The following CASR variants were observed in gnomAD, a reference collection of about 807,000 sequenced individuals.
CASR encodes the protein calcium sensing receptor.
Under a neutral mutation model 69.1 loss-of-function variants are expected in CASR, and 23 were observed. The observed-to-expected ratio is 0.33, with a 90% CI of 0.24 to 0.47. The LOEUF (loss-of-function observed/expected upper bound fraction) is 0.47. CASR is among the 20% of genes least tolerant of loss of function. The pLI is 1.00. For missense variants in CASR, 924 were observed against 1,356.1 expected (o/e 0.68, Z 5.00); for synonymous variants, 541 against 544.7 (o/e 0.99, Z 0.10).
rs113113891 is a variant in CASR at position 122,237,561 on chromosome 3, C to T, written c.-242-16387C>T. On this transcript the variant is annotated intron_variant, in intron 1 of 6. Coordinates refer to ENST00000639785, the MANE Select transcript of CASR (RefSeq NM_000388.4). ...ATATTCACGCAGTGGAATATTATAC[C>T]GCAGTTAAAATCATGGATTATAGTA... Among the ~76,000 whole-genome samples the T allele has an allele frequency of 7.8e-3, 1,183 of 152,168 alleles. 20 individuals carry two copies. The highest frequency in any genetic ancestry group is 0.023 in the African/African-American group (975 of 41,496).
intron 1 of CASR, among the ~76,000 whole-genome samples, chr3:122,207,666 A>G (rs1274186651): frequency 1.3e-5 from 2 of 152,210 alleles, no homozygotes; most frequent in Non-Finnish European, 2.9e-5. Flanking sequence ...GGGATACAAC[A>G]AAAGCAGTAC....
chr3:122,255,560 C>A (rs2074546111), intron 2 of CASR, among the ~76,000 whole-genome samples: 1 of 152,190 alleles, frequency 6.6e-6, no homozygotes, highest in Admixed American at 6.5e-5. Flanking sequence ...TACCCTGCTG[C>A]ACAGAGCTGT....
intron 1 of CASR, among the ~76,000 whole-genome samples, chr3:122,204,494 A>G (rs565913344): frequency 6.6e-6 from 1 of 152,250 alleles, no homozygotes; most frequent in East Asian, 1.9e-4. Flanking sequence ...TGGGCACTTC[A>G]GGTTGATTCC....
chr3:122,230,683 C>T (rs1000617448), intron 1 of CASR, among the ~76,000 whole-genome samples: 3 of 152,158 alleles, frequency 2.0e-5, no homozygotes, highest in African/African-American at 7.2e-5. Context: ...CACTGAGGTT[C>T]CACCTGCATA....
chr3:122,234,121 G>A (rs1232056975), intron 1 of CASR, among the ~76,000 whole-genome samples: 1 of 152,232 alleles, frequency 6.6e-6, no homozygotes. Flanking sequence ...TCATGGAAAT[G>A]TCCAGTTCAT....
chr3:122,225,832 A>G (rs1298252908), intron 1 of CASR, among the ~76,000 whole-genome samples: 1 of 152,226 alleles, frequency 6.6e-6, no homozygotes, highest in African/African-American at 2.4e-5. Flanking sequence ...CAAGATGCCC[A>G]TCAGTGGTGG....
At chr3:122,209,046 A>G (rs1559938496) in intron 1 of CASR, among the ~76,000 whole-genome samples, 1 of 152,026 alleles carries the variant, frequency 6.6e-6, no homozygotes, top group Non-Finnish European at 1.5e-5. Flanking sequence ...GCCAAAAACC[A>G]CCTCCTAATG....
intron 1 of CASR, among the ~76,000 whole-genome samples, chr3:122,219,385 G>A (rs2074149283): frequency 6.6e-6 from 1 of 152,162 alleles, no homozygotes; most frequent in Non-Finnish European, 1.5e-5. Context: ...GCATGATTCC[G>A]TTGCATAAGT....
chr3:122,210,054 C>G (rs973706882), intron 1 of CASR, among the ~76,000 whole-genome samples: 20 of 152,156 alleles, frequency 1.3e-4, no homozygotes, highest in Non-Finnish European at 4.4e-5. Flanking sequence ...ATGTTAAAAA[C>G]TCTCGATAAA....
chr3:122,242,018 A>G (rs904238484), intron 1 of CASR, among the ~76,000 whole-genome samples: 1 of 152,130 alleles, frequency 6.6e-6, no homozygotes, highest in African/African-American at 2.4e-5. Flanking sequence ...CTGGGCATAC[A>G]TGGACGTAAT....
intron 1 of CASR, among the ~76,000 whole-genome samples, chr3:122,200,866 A>G (rs2073941546): frequency 6.6e-6 from 1 of 152,204 alleles, no homozygotes; most frequent in South Asian, 2.1e-4. Context: ...ATCCTTGCCA[A>G]CAGTTGAATC....
intron 1 of CASR, among the ~76,000 whole-genome samples, chr3:122,210,632 A>G (rs1052292017): frequency 6.6e-6 from 1 of 152,270 alleles, no homozygotes; most frequent in Non-Finnish European, 1.5e-5. Context: ...ATGAATAGGA[A>G]GAACCAATAT....
intron 1 of CASR, among the ~76,000 whole-genome samples, chr3:122,186,931 T>C (rs2073791867): frequency 2.0e-5 from 3 of 152,234 alleles, no homozygotes; most frequent in Admixed American, 2.0e-4. Flanking sequence ...TGGGAAAGAA[T>C]GCTTTGTTAT....
At chr3:122,260,437 T>A (rs2074606840) in intron 3 of CASR, among the ~76,000 whole-genome samples, 1 of 152,168 alleles carries the variant, frequency 6.6e-6, no homozygotes, top group South Asian at 2.1e-4. Context: ...TTCTCCAGGG[T>A]TCCTGTTCAG....
At chr3:122,207,503 A>G (rs2074019042) in intron 1 of CASR, among the ~76,000 whole-genome samples, 1 of 152,170 alleles carries the variant, frequency 6.6e-6, no homozygotes, top group African/African-American at 2.4e-5. Flanking sequence ...AAAACTAGAA[A>G]TCAATGAGAA....
In CASR at chr3:122,285,058, C is replaced by T; in HGVS notation, c.3104C>T (p.Pro1035Leu). Residue 1035 changes from proline (P) to leucine (L), a missense_variant, in exon 7 of 7, where the codon CCT (proline) becomes CTT (leucine). Physicochemically the swap from Pro to Leu is moderately conservative, Grantham distance 98. Transcript: ENST00000639785. The stretch of plus-strand genomic sequence containing the variant: ...GTCCAGGAAACAGGTCTGCAAGGAC[C>T]TGTGGGTGGAGACCAGCGGCCAGAG... ...LTVQETGLQG[P>L]VGGDQRPEVE... The T allele has an allele frequency of 6.2e-7, 1 of 1,614,226 alleles. No individual in the cohort carries two copies. The highest frequency in any genetic ancestry group is 8.5e-7 in the Non-Finnish European group (1 of 1,180,044).
At chr3:122,251,571 G>T (rs1205369257) in intron 1 of CASR, among the ~76,000 whole-genome samples, 1 of 152,206 alleles carries the variant, frequency 6.6e-6, no homozygotes, top group African/African-American at 2.4e-5. Flanking sequence ...AAGATAAGTA[G>T]ATGTTTTCCA....
At chr3:122,247,081 C>G (rs574957487) in intron 1 of CASR, 25 of 152,274 alleles carry the variant, frequency 1.6e-4, no homozygotes, top group African/African-American at 6.0e-4. Flanking sequence ...TAAACAAATG[C>G]GAGAATCTCA....
intron 1 of CASR, among the ~76,000 whole-genome samples, chr3:122,242,420 G>A (rs1010080949): frequency 6.6e-6 from 1 of 151,834 alleles, no homozygotes; most frequent in African/African-American, 2.4e-5. Flanking sequence ...CAAAAAAGTA[G>A]TCCCACGTAT....
Sources: gnomAD v4.1 joint callset for allele counts (sites outside exome capture counted in the v4.1 genomes callset) on GRCh38, gnomAD v4.1.1 for gene constraint, MANE v1.5 for transcripts, NCBI Gene and HGNC (gene_info 2026-07-23, HGNC 2026-07-21) for gene names.